The following NAV2 variants were observed in gnomAD, a reference collection of about 807,000 sequenced individuals.
The protein encoded by NAV2 is neuron navigator 2.
NAV2 carries 54 observed loss-of-function variants against 223.2 expected under a neutral mutation model. The ratio of observed to expected loss-of-function variants is 0.24; its 90% CI spans 0.19 to 0.30. NAV2 has a LOEUF of 0.30. NAV2 is among the 10% of genes least tolerant of loss of function. The pLI is 1.00. For missense variants in NAV2, 2,806 were observed against 3,147.5 expected, an observed-to-expected ratio of 0.89 and a Z score of 2.60; for synonymous variants, 1,279 against 1,239.3, an observed-to-expected ratio of 1.03 and a Z score of -0.67.
chr11:19,984,296 G>A (rs767836258), intron 11 of NAV2, 49 bp downstream of exon 11: 2 of 1,606,340 alleles, frequency 1.2e-6, no homozygotes, highest in Non-Finnish European at 1.7e-6. Flanking sequence ...TGATCCCAGG[G>A]GGGCCCTGAG....
chr11:20,077,049 A>G (rs2059801389), intron 22 of NAV2, among the ~76,000 whole-genome samples: 1 of 152,194 alleles, frequency 6.6e-6, no homozygotes, highest in African/African-American at 2.4e-5. Context: ...TAACATGCTT[A>G]ATATGAGCCT....
intron 11 of NAV2, among the ~76,000 whole-genome samples, chr11:20,015,269 C>T (rs1324887388): frequency 1.3e-5 from 2 of 152,218 alleles, no homozygotes; most frequent in African/African-American, 2.4e-5. Context: ...TCTGCTGCTA[C>T]TCCTTATGGC....
At chr11:19,882,421 C>T (rs2063270456) in intron 5 of NAV2, among the ~76,000 whole-genome samples, 1 of 152,126 alleles carries the variant, frequency 6.6e-6, no homozygotes. Flanking sequence ...GATGAGGAAG[C>T]CCAGGAGAGC....
At chr11:19,692,201 C>T (rs1414797914) in intron 1 of NAV2, among the ~76,000 whole-genome samples, 1 of 152,234 alleles carries the variant, frequency 6.6e-6, no homozygotes, top group Non-Finnish European at 1.5e-5. Context: ...CTGAGGGCCT[C>T]ACCACCGGGG....
At chr11:19,399,237 A>C (rs1423185811) in intron 1 of NAV2, among the ~76,000 whole-genome samples, 1 of 152,148 alleles carries the variant, frequency 6.6e-6, no homozygotes, top group African/African-American at 2.4e-5. Flanking sequence ...TTTGCAAGAA[A>C]AAAATCAGAA....
intron 1 of NAV2, among the ~76,000 whole-genome samples, chr11:19,579,751 C>T (rs2045662780): frequency 6.6e-6 from 1 of 152,198 alleles, no homozygotes; most frequent in South Asian, 2.1e-4. Flanking sequence ...TCCCCTCCTA[C>T]ATGACCTGGT....
intron 1 of NAV2, among the ~76,000 whole-genome samples, chr11:19,608,595 G>T (rs1232747427): frequency 6.6e-6 from 1 of 152,248 alleles, no homozygotes; most frequent in African/African-American, 2.4e-5. Flanking sequence ...ATAGCCATAT[G>T]CCATATGGGC....
chr11:19,964,397 A>G (rs926832914), intron 10 of NAV2, among the ~76,000 whole-genome samples: 1 of 152,104 alleles, frequency 6.6e-6, no homozygotes, highest in African/African-American at 2.4e-5. Context: ...AATAATAATG[A>G]CCATTGTAAT....
chr11:20,117,998 A>C (rs185840718), intron 37 of NAV2, 135 bp from the exon 38 acceptor site: 6 of 957,650 alleles, frequency 6.3e-6, no homozygotes, highest in Non-Finnish European at 9.3e-6. Context: ...CCCAAAGTCC[A>C]TGTTCTTGTC....
intron 6 of NAV2, among the ~76,000 whole-genome samples, chr11:19,913,517 G>A (rs1263594862): frequency 6.6e-6 from 1 of 152,196 alleles, no homozygotes; most frequent in Admixed American, 6.5e-5. Flanking sequence ...TACAGAGAGA[G>A]GCAGAAATCC....
chr11:19,346,921 T>C (rs1264363484), upstream of NAV2, among the ~76,000 whole-genome samples: 2 of 152,192 alleles, frequency 1.3e-5, no homozygotes, highest in Non-Finnish European at 2.9e-5. Flanking sequence ...AAAATGCGAT[T>C]TTGGTGATAA....
At chr11:19,480,122 G>A (rs1682856030) in intron 1 of NAV2, among the ~76,000 whole-genome samples, 2 of 152,132 alleles carry the variant, frequency 1.3e-5, no homozygotes, top group African/African-American at 4.8e-5. Context: ...CAGAAAAAAA[G>A]CATTGTCAAT....
intron 1 of NAV2, among the ~76,000 whole-genome samples, chr11:19,643,006 G>A (rs2047707956): frequency 6.6e-6 from 1 of 152,128 alleles, no homozygotes; most frequent in Admixed American, 6.5e-5. Context: ...TTTCACTAAG[G>A]TATTCTGAGA....
intron 11 of NAV2, among the ~76,000 whole-genome samples, chr11:20,001,562 A>G (rs1286076652): frequency 6.6e-6 from 1 of 152,074 alleles, no homozygotes; most frequent in African/African-American, 2.4e-5. Context: ...GGACTGTCTC[A>G]GCCCTTAGCA....
chr11:20,034,234 T>C (rs924350632), intron 11 of NAV2, among the ~76,000 whole-genome samples: 2 of 21,172 alleles, frequency 9.4e-5, no homozygotes, highest in Admixed American at 1.4e-3. Flanking sequence ...GCCTGTACAA[T>C]AGAAAAACAA....
chr11:19,514,724 C>A (rs1433614021), intron 1 of NAV2, among the ~76,000 whole-genome samples: 1 of 152,190 alleles, frequency 6.6e-6, no homozygotes, highest in Non-Finnish European at 1.5e-5. Flanking sequence ...GTCTCCAACA[C>A]TGATTTACTT....
chr11:19,845,121 TAGAC>T (rs1403549467), intron 3 of NAV2, among the ~76,000 whole-genome samples: 2 of 152,184 alleles, frequency 1.3e-5, no homozygotes, highest in African/African-American at 4.8e-5. Context: ...GTTCTTTCGA[TAGAC>T]AGGCATGGAT....
At chr11:19,499,108 G>A (rs1166215600) in intron 1 of NAV2, among the ~76,000 whole-genome samples, 1 of 152,174 alleles carries the variant, frequency 6.6e-6, no homozygotes, top group African/African-American at 2.4e-5. Context: ...TTCTTAAAAG[G>A]CAGAGCCAGT....
rs7935058 is a variant in NAV2, at chr11:19,593,771, C to T, written c.76-238713C>T. ...TGTAGTGACACCTTTCATGGTCTGA[C>T]TTTCCATCTCCCTAATAGCTGGTGA... On this transcript the variant is annotated intron_variant, in intron 1 of 37. Coordinates refer to the NAV2 transcript ENST00000360655. Among the ~76,000 whole-genome samples the T allele has an allele frequency of 9.1e-3, 1,379 of 152,190 alleles. 19 individuals are homozygous for T. Among genetic ancestry groups the T allele is most frequent in the African/African-American group, 0.029 (1,206 of 41,526 alleles).
Sources: gnomAD v4.1 joint callset for allele counts (sites outside exome capture counted in the v4.1 genomes callset) on GRCh38, gnomAD v4.1.1 for gene constraint, MANE v1.5 for transcripts, NCBI Gene and HGNC (gene_info 2026-07-23, HGNC 2026-07-21) for gene names.